Variants in CAMKMT observed in about 807,000 individuals in gnomAD.
CAMKMT encodes the protein calmodulin-lysine N-methyltransferase.
In CAMKMT, 53 loss-of-function variants were observed where a neutral mutation model predicts 48.0. The observed-to-expected ratio is 1.10, with a 90% confidence interval of 0.89 to 1.39. The LOEUF is 1.39. CAMKMT is among the 40% of genes most tolerant of loss of function. CAMKMT has a pLI of 0.00. For missense variants in CAMKMT, 428 were observed against 402.7 expected, an observed-to-expected ratio of 1.06 and a Z score of -0.54; for synonymous variants, 165 against 152.3, an observed-to-expected ratio of 1.08 and a Z score of -0.61.
intron 3 of CAMKMT, among the ~76,000 whole-genome samples, chr2:44,452,386 C>A (rs1273088809): frequency 6.6e-6 from 1 of 151,942 alleles, no homozygotes; most frequent in Non-Finnish European, 1.5e-5. Flanking sequence ...GCAACCATTG[C>A]ATTTTGGGGG....
At chr2:44,627,749 A>G (rs1431384521) in intron 3 of CAMKMT, among the ~76,000 whole-genome samples, 2 of 112,130 alleles carry the variant, frequency 1.8e-5, no homozygotes, top group African/African-American at 3.6e-5. Context: ...TCACTCTGTC[A>G]CCTAGGCTGG....
At chr2:44,683,577 T>C (rs1488331647) in intron 3 of CAMKMT, among the ~76,000 whole-genome samples, 1 of 151,694 alleles carries the variant, frequency 6.6e-6, no homozygotes, top group Non-Finnish European at 1.5e-5. Context: ...TCCCAGCACT[T>C]TGGGAGGCCG....
chr2:44,446,403 G>A (rs188715520), intron 3 of CAMKMT, among the ~76,000 whole-genome samples: 3 of 152,204 alleles, frequency 2.0e-5, no homozygotes, highest in Non-Finnish European at 1.5e-5. Context: ...CTGGAGTGTA[G>A]TGTTGTGATC....
At chr2:44,441,002 A>G (rs1415131477) in intron 3 of CAMKMT, among the ~76,000 whole-genome samples, 1 of 152,152 alleles carries the variant, frequency 6.6e-6, no homozygotes, top group Non-Finnish European at 1.5e-5. Context: ...ACATCATGAA[A>G]TGAAAGTTCC....
intron 6 of CAMKMT, among the ~76,000 whole-genome samples, chr2:44,712,821 A>T (rs1677954259): frequency 6.6e-6 from 1 of 152,184 alleles, no homozygotes; most frequent in Non-Finnish European, 1.5e-5. Flanking sequence ...CACTGAGGTG[A>T]CACAGAAGAA....
intron 2 of CAMKMT, among the ~76,000 whole-genome samples, chr2:44,381,584 A>C (rs74577972): frequency 0.015 from 2,217 of 152,316 alleles, 26 homozygotes; most frequent in Non-Finnish European, 0.021. Context: ...AATCCAACAT[A>C]AAGTTCTGGT....
chr2:44,410,940 T>C (rs533570285), intron 3 of CAMKMT, among the ~76,000 whole-genome samples: 7 of 152,302 alleles, frequency 4.6e-5, no homozygotes, highest in Admixed American at 1.3e-4. Flanking sequence ...TAAAAGTAAT[T>C]GATAGTTCTA....
intron 3 of CAMKMT, among the ~76,000 whole-genome samples, chr2:44,633,128 A>C (rs972624422): frequency 6.6e-6 from 1 of 152,052 alleles, no homozygotes; most frequent in Non-Finnish European, 1.5e-5. Flanking sequence ...GGCTTCTATT[A>C]TTTCTGACGA....
intron 3 of CAMKMT, among the ~76,000 whole-genome samples, chr2:44,696,783 GA>G (rs1676980442): frequency 6.6e-6 from 1 of 151,430 alleles, no homozygotes; most frequent in African/African-American, 2.4e-5. Context: ...AAAACAACTT[GA>G]AAAAAACAGA....
intron 3 of CAMKMT, among the ~76,000 whole-genome samples, chr2:44,433,188 C>T (rs1468547982): frequency 1.3e-5 from 2 of 152,032 alleles, no homozygotes; most frequent in African/African-American, 4.8e-5. Context: ...TATTTAAATA[C>T]AGTGGACTTG....
At chr2:44,421,335 C>T (rs1683924551) in intron 3 of CAMKMT, among the ~76,000 whole-genome samples, 1 of 152,222 alleles carries the variant, frequency 6.6e-6, no homozygotes, top group African/African-American at 2.4e-5. Context: ...AGAACATCCA[C>T]AGACATCTCT....
At chr2:44,636,046 A>G (rs1216342062) in intron 3 of CAMKMT, among the ~76,000 whole-genome samples, 2 of 152,232 alleles carry the variant, frequency 1.3e-5, no homozygotes, top group Non-Finnish European at 2.9e-5. Context: ...GTTGATTTGT[A>G]TAAGGCAGTG....
chr2:44,473,626 A>T (rs1383292010), intron 3 of CAMKMT, among the ~76,000 whole-genome samples: 1 of 152,240 alleles, frequency 6.6e-6, no homozygotes, highest in Non-Finnish European at 1.5e-5. Flanking sequence ...CTCTGTGTGG[A>T]ATTTTTTAGT....
chr2:44,373,681 G>T (rs753183238), intron 2 of CAMKMT, among the ~76,000 whole-genome samples: 15 of 152,080 alleles, frequency 9.9e-5, no homozygotes, highest in Non-Finnish European at 1.8e-4. Context: ...TTCACAAAGG[G>T]TATCTTTTTA....
intron 3 of CAMKMT, chr2:44,631,725 A>T (rs1558758313): frequency 2.6e-6 from 1 of 386,206 alleles, no homozygotes; most frequent in Non-Finnish European, 4.6e-6. Flanking sequence ...GGTTATGTTT[A>T]AGTTTACTAT....
At chr2:44,608,331 C>G (rs1413421577) in intron 3 of CAMKMT, among the ~76,000 whole-genome samples, 2 of 152,086 alleles carry the variant, frequency 1.3e-5, no homozygotes, top group East Asian at 3.9e-4. Context: ...CTCGGCCTCC[C>G]AAAGTGCTGG....
At chr2:44,768,361 A>ATATATATATT (rs35058824) in intron 10 of CAMKMT, among the ~76,000 whole-genome samples, 78 of 115,720 alleles carry the variant, frequency 6.7e-4, no homozygotes, top group Non-Finnish European at 9.7e-4. Context: ...ATATATATAT[A>ATATATATATT]TTTTTTTTTT....
At chr2:44,594,582 A>C (rs903285742) in intron 3 of CAMKMT, among the ~76,000 whole-genome samples, 1 of 152,194 alleles carries the variant, frequency 6.6e-6, no homozygotes, top group Non-Finnish European at 1.5e-5. Context: ...TATTTAATAA[A>C]TGGTGCTGGG....
chr2:44,464,410 A>G (rs967228922), intron 3 of CAMKMT, among the ~76,000 whole-genome samples: 1 of 152,256 alleles, frequency 6.6e-6, no homozygotes, highest in African/African-American at 2.4e-5. Flanking sequence ...AGAATAGGAC[A>G]GAGAGCTTAT....
Sources: gnomAD v4.1 joint callset for allele counts (sites outside exome capture counted in the v4.1 genomes callset) on GRCh38, gnomAD v4.1.1 for gene constraint, MANE v1.5 for transcripts, NCBI Gene and HGNC (gene_info 2026-07-23, HGNC 2026-07-21) for gene names.